DLG2: variants seen among roughly 807,000 people sequenced by gnomAD.
DLG2 encodes disks large homolog 2.
Under a neutral mutation model 132.5 loss-of-function variants are expected in DLG2, and 45 were observed. The observed-to-expected ratio is 0.34, with a 90% CI of 0.27 to 0.44. The LOEUF is 0.44. DLG2 is among the 20% of genes least tolerant of loss of function. The pLI is 1.00. For synonymous variants in DLG2, 424 were observed against 419.6 expected (o/e 1.01, Z -0.13); for missense variants, 1,045 against 1,196.9 (o/e 0.87, Z 1.87).
chr11:84,674,252 G>T (rs12287251), intron 6 of DLG2, among the ~76,000 whole-genome samples: 38,041 of 152,034 alleles, frequency 0.25, 6,860 homozygotes, highest in African/African-American at 0.51. Context: ...CCAGGTTGAT[G>T]TTTAATTGGT....
chr11:84,661,665 T>C (rs960324530), intron 6 of DLG2, among the ~76,000 whole-genome samples: 5 of 152,108 alleles, frequency 3.3e-5, no homozygotes, highest in Non-Finnish European at 7.4e-5. Flanking sequence ...TTTGAGTTCC[T>C]CACAATTCAG....
At chr11:84,521,818 T>C (rs948975046) in intron 7 of DLG2, among the ~76,000 whole-genome samples, 10 of 152,220 alleles carry the variant, frequency 6.6e-5, no homozygotes, top group Admixed American at 6.5e-4. Context: ...GTAATATGTC[T>C]TATAGTCCAC....
intron 4 of DLG2, among the ~76,000 whole-genome samples, chr11:85,156,712 C>T (rs1022315736): frequency 1.3e-5 from 2 of 152,168 alleles, no homozygotes; most frequent in African/African-American, 2.4e-5. Flanking sequence ...TTGGATCCAT[C>T]ATCATACTGA....
At chr11:85,123,204 C>A (rs1298632482) in intron 5 of DLG2, among the ~76,000 whole-genome samples, 2 of 151,418 alleles carry the variant, frequency 1.3e-5, no homozygotes, top group Non-Finnish European at 2.9e-5. Flanking sequence ...GTCTCGATTT[C>A]CTGACCTCGT....
chr11:85,306,603 C>A (rs1308169931), intron 3 of DLG2, among the ~76,000 whole-genome samples: 2 of 152,150 alleles, frequency 1.3e-5, no homozygotes, highest in African/African-American at 4.8e-5. Flanking sequence ...CGGAGTCTTG[C>A]TCTGTGGCCC....
At chr11:83,909,017 C>G (rs1224562300) in intron 15 of DLG2, among the ~76,000 whole-genome samples, 1 of 152,170 alleles carries the variant, frequency 6.6e-6, no homozygotes, top group African/African-American at 2.4e-5. Flanking sequence ...CAGGCATGAG[C>G]TATCATGACC....
At chr11:85,125,017 A>C (rs1312212613) in intron 5 of DLG2, among the ~76,000 whole-genome samples, 1 of 152,052 alleles carries the variant, frequency 6.6e-6, no homozygotes, top group African/African-American at 2.4e-5. Context: ...TTTTTAGTAG[A>C]TACGGGGTTT....
At chr11:85,475,938 G>A (rs548247727) in intron 3 of DLG2, among the ~76,000 whole-genome samples, 114 of 152,224 alleles carry the variant, frequency 7.5e-4, no homozygotes, top group African/African-American at 2.6e-3. Context: ...ACGAATAGAC[G>A]TAATATCCAA....
intron 6 of DLG2, among the ~76,000 whole-genome samples, chr11:84,642,651 A>G (rs1033284710): frequency 1.3e-5 from 2 of 152,166 alleles, no homozygotes; most frequent in African/African-American, 4.8e-5. Flanking sequence ...AAGAGAAGAC[A>G]TGTACCTGCC....
At chr11:84,579,683 T>A (rs1295752772) in intron 6 of DLG2, among the ~76,000 whole-genome samples, 1 of 152,182 alleles carries the variant, frequency 6.6e-6, no homozygotes, top group Non-Finnish European at 1.5e-5. Flanking sequence ...GGTTATGATA[T>A]GCTGAGGAGT....
intron 7 of DLG2, among the ~76,000 whole-genome samples, chr11:84,394,372 A>G (rs1335698914): frequency 7.0e-6 from 1 of 143,820 alleles, no homozygotes; most frequent in Admixed American, 7.0e-5. Context: ...ATCTTTATTT[A>G]GCCTTCATTT....
At chr11:83,861,503 T>C (rs2061449042) in intron 16 of DLG2, among the ~76,000 whole-genome samples, 1 of 152,066 alleles carries the variant, frequency 6.6e-6, no homozygotes, top group African/African-American at 2.4e-5. Context: ...AGATGAATGA[T>C]AAAGAAAATG....
intron 6 of DLG2, among the ~76,000 whole-genome samples, chr11:84,547,869 G>A (rs961204392): frequency 3.9e-5 from 6 of 152,262 alleles, no homozygotes; most frequent in Middle Eastern, 3.4e-3. Context: ...AGAGATGTAA[G>A]CTCCTTAGAC....
intron 18 of DLG2, among the ~76,000 whole-genome samples, chr11:83,669,097 T>C (rs1056836394): frequency 2.6e-5 from 4 of 152,224 alleles, no homozygotes; most frequent in African/African-American, 9.6e-5. Flanking sequence ...CTAATTGATC[T>C]GTTTATTCAC....
At chr11:85,189,626 G>C (rs549590375) in intron 4 of DLG2, among the ~76,000 whole-genome samples, 24 of 152,286 alleles carry the variant, frequency 1.6e-4, no homozygotes, top group Middle Eastern at 6.8e-3. Flanking sequence ...TTAGCAAAAG[G>C]AAAGAGGGTT....
At chr11:85,273,027 G>C (rs1254558405) in intron 4 of DLG2, among the ~76,000 whole-genome samples, 1 of 152,138 alleles carries the variant, frequency 6.6e-6, no homozygotes, top group Non-Finnish European at 1.5e-5. Flanking sequence ...TTAATAAATG[G>C]TGCTGGGAAA....
intron 18 of DLG2, among the ~76,000 whole-genome samples, chr11:83,719,481 C>G (rs1200509573): frequency 6.6e-6 from 1 of 152,194 alleles, no homozygotes; most frequent in Non-Finnish European, 1.5e-5. Context: ...AAACATGGCA[C>G]CAGCATCTGC....
At chr11:85,428,304 C>A (rs963937769) in intron 3 of DLG2, among the ~76,000 whole-genome samples, 2 of 152,182 alleles carry the variant, frequency 1.3e-5, no homozygotes, top group African/African-American at 2.4e-5. Flanking sequence ...AACTCTCCAC[C>A]CCAAATCAAC....
chr11:84,947,439 G>A (rs1168371138), intron 6 of DLG2, among the ~76,000 whole-genome samples: 1 of 152,170 alleles, frequency 6.6e-6, no homozygotes, highest in African/African-American at 2.4e-5. Context: ...TAGAACCAGA[G>A]AAGAACAAAT....
Sources: allele counts gnomAD v4.1 joint callset (sites outside exome capture counted in the v4.1 genomes callset), GRCh38; gene constraint gnomAD v4.1.1; transcripts MANE v1.5; gene names NCBI Gene and HGNC (gene_info 2026-07-23, HGNC 2026-07-21).